DDB1: variants seen among roughly 807,000 people sequenced by gnomAD.
DDB1 encodes DNA damage-binding protein 1.
Under a neutral mutation model 133.1 loss-of-function variants are expected in DDB1, and 18 were observed. The observed-to-expected ratio is 0.14, with a 90% CI of 0.09 to 0.20. The LOEUF (loss-of-function observed/expected upper bound fraction) is 0.20, where lower values mean the gene tolerates loss of function less well. DDB1 is among the 10% of genes least tolerant of loss of function. The pLI, the probability that DDB1 is intolerant of heterozygous loss-of-function variation, is 1.00. For synonymous variants in DDB1, 580 were observed against 550.5 expected (o/e 1.05, Z -0.75); for missense variants, 828 against 1,459.2 (o/e 0.57, Z 7.05).
In DDB1 at chr11:61,316,964, T is replaced by G. The variant is rs371645674; in HGVS notation, c.1226-397A>C. ...AAGGATAGATATATATATATATATATATATATATATATATATATATATATA... is the reference window on the plus strand; with the variant it reads ...AAGGATAGATATATATATATATATAGATATATATATATATATATATATATA... On this transcript the variant is annotated intron_variant, in intron 10 of 26. Coordinates refer to ENST00000301764, the MANE Select transcript of DDB1 (RefSeq NM_001923.5). 6.2e-4 allele frequency among the ~76,000 whole-genome samples: 16 copies of G among 25,974 alleles called. 1 individual carries two copies. Among genetic ancestry groups the G allele is most frequent in the Admixed American group, 1.6e-3 (4 of 2,466 alleles). 17.0% of individuals were successfully genotyped at this position (25,974 alleles called of 152,430 possible). A position where few individuals can be genotyped will look rare whatever the true frequency, so the allele number is the denominator to read the frequency against.
intron 21 of DDB1, among the ~76,000 whole-genome samples, chr11:61,305,686 T>TGCCAACAC (rs1477443447): frequency 6.6e-6 from 1 of 151,606 alleles, no homozygotes; most frequent in African/African-American, 2.4e-5. Flanking sequence ...GCCACCACTC[T>TGCCAACAC]CTCTCCACAC....
At chr11:61,306,540 T>G (rs1855885542) in intron 21 of DDB1, among the ~76,000 whole-genome samples, 1 of 152,206 alleles carries the variant, frequency 6.6e-6, no homozygotes, top group Non-Finnish European at 1.5e-5. Context: ...GAGAAGGTCC[T>G]TCTAATACCC....
At position 61,299,900 on chromosome 11, in the gene DDB1, T is replaced by C; in HGVS notation, c.*236A>G. 3.5e-6 allele frequency: 2 copies of C among 565,020 alleles called. No homozygotes were observed. Among genetic ancestry groups the C allele is most frequent in the Non-Finnish European group, 6.4e-6 (2 of 313,720 alleles). 35.0% of individuals were successfully genotyped at this position (565,020 alleles called of 1,614,324 possible). A position where few individuals can be genotyped will look rare whatever the true frequency, so the allele number is the denominator to read the frequency against. On this transcript the variant is annotated 3_prime_UTR_variant, in exon 27 of 27. Coordinates refer to ENST00000301764, the MANE Select transcript of DDB1 (RefSeq NM_001923.5). ...CCAATCAAGGCTTGGTGGTCTAAGGTGATGGCTGGAATCATGTGAGACTGG... is the reference window on the plus strand; with the variant it reads ...CCAATCAAGGCTTGGTGGTCTAAGGCGATGGCTGGAATCATGTGAGACTGG...
At chr11:61,304,129 T>G in intron 21 of DDB1, 94 bp from the exon 22 acceptor site, 1 of 1,415,824 alleles carries the variant, frequency 7.1e-7, no homozygotes, top group Non-Finnish European at 9.8e-7. Flanking sequence ...CAGCACTACT[T>G]CTCAAAGTGC....
chr11:61,305,484 C>T (rs112371318), intron 21 of DDB1, among the ~76,000 whole-genome samples: 8,553 of 152,166 alleles, frequency 0.056, 754 homozygotes, highest in African/African-American at 0.18. Context: ...TCCAGCGTGG[C>T]GACAGAGTGA....
intron 4 of DDB1, among the ~76,000 whole-genome samples, chr11:61,327,288 G>A (rs1272999419): frequency 3.9e-5 from 6 of 152,052 alleles, no homozygotes; most frequent in Non-Finnish European, 7.4e-5. Flanking sequence ...TAGCCAACAC[G>A]GCAAAACCCC....
chr11:61,320,467 C>T (rs998848349), intron 10 of DDB1, among the ~76,000 whole-genome samples: 2 of 152,188 alleles, frequency 1.3e-5, no homozygotes, highest in African/African-American at 4.8e-5. Context: ...TCCCAAAGTG[C>T]TGGGATTACA....
chr11:61,322,923 G>C (rs1472583191), intron 8 of DDB1, 88 bp downstream of exon 8: 5 of 1,050,116 alleles, frequency 4.8e-6, no homozygotes, highest in African/African-American at 1.6e-5. Context: ...AAAATGGAGA[G>C]ATTCTGAGAG....
intron 2 of DDB1, 99 bp downstream of exon 2, chr11:61,331,444 C>T: frequency 3.4e-6 from 5 of 1,465,232 alleles, no homozygotes; most frequent in Non-Finnish European, 2.8e-6. Flanking sequence ...ACTGTGAGAC[C>T]CCCGTCTCAA....
At chr11:61,327,374 C>T in intron 4 of DDB1, 2 of 157,452 alleles carry the variant, frequency 1.3e-5, no homozygotes, top group Non-Finnish European at 2.8e-5. Context: ...GAGGCTGAGG[C>T]AGGAGAATCA....
chr11:61,330,995 T>C lies in DDB1; in HGVS notation c.210+548A>G, dbSNP rs28720254. ...ATAACTGTAAATGCTTGCTATATGA[T>C]AGGCCCTATGTTACTGAATCATTTC... On this transcript the variant is annotated intron_variant, in intron 2 of 26. Coordinates refer to ENST00000301764, the MANE Select transcript of DDB1 (RefSeq NM_001923.5). 3.3e-3 allele frequency among the ~76,000 whole-genome samples: 501 copies of C among 152,282 alleles called. 5 individuals carry two copies. Among genetic ancestry groups the C allele is most frequent in the African/African-American group, 0.012 (486 of 41,552 alleles).
intron 25 of DDB1, 94 bp from the exon 26 acceptor site, chr11:61,301,026 C>A (rs1047049729): frequency 7.8e-6 from 12 of 1,537,926 alleles, no homozygotes; most frequent in Non-Finnish European, 9.7e-6. Context: ...AAGCAATCAT[C>A]AGGATTAGAA....
In DDB1 at chr11:61,314,471, C is replaced by T; in HGVS notation, c.1426G>A (p.Val476Met). The change falls in exon 13 of 27, where the codon GTG becomes ATG. Residue 476 changes from valine to methionine, a missense_variant. Physicochemically the swap from Val to Met is conservative, Grantham distance 21. Around this residue, in one of 7 missense-constraint regions of DDB1, gnomAD observed 396 missense variants for 554.1 expected, o/e 0.71. Coordinates refer to ENST00000301764, the MANE Select transcript of DDB1 (RefSeq NM_001923.5). Reference protein sequence around the residue: ...QQLIQITSASVRLVSQEPKAL... With the variant: ...QQLIQITSASMRLVSQEPKAL... Reference sequence around the variant, plus strand: ...TTGGGTTCTTGAGAGACCAACCTCACCGATGCTGAAGTGATCTAGATAAAC... The same window carrying T: ...TTGGGTTCTTGAGAGACCAACCTCATCGATGCTGAAGTGATCTAGATAAAC... 6.2e-7 allele frequency: 1 copy of T among 1,612,646 alleles called. No individual in the cohort carries two copies. Among genetic ancestry groups the T allele is most frequent in the Non-Finnish European group, 8.5e-7 (1 of 1,179,448 alleles).
rs557888241 is a variant in DDB1, at chr11:61,329,741, C to A, written c.328-157G>T. Among the ~76,000 whole-genome samples the A allele has an allele frequency of 2.6e-5, 4 of 152,298 alleles. No homozygotes were observed. The East Asian group carries it at 7.7e-4, about 29-fold the overall frequency. On this transcript the variant is annotated intron_variant, in intron 3 of 26. Transcript: ENST00000301764. The stretch of plus-strand genomic sequence containing the variant: ...GTTGGAGCCCCAATGTCAGTGCATG[C>A]CTTTTTCATGAAACACTGAATCTCA...
At chr11:61,302,472 C>T in intron 24 of DDB1, 110 bp downstream of exon 24, 1 of 1,574,544 alleles carries the variant, frequency 6.4e-7, no homozygotes, top group East Asian at 2.2e-5. Flanking sequence ...GTGCTGCAGC[C>T]TCCTCTAGTA....
chr11:61,301,017 A>G, intron 25 of DDB1, 85 bp from the exon 26 acceptor site: 1 of 1,555,576 alleles, frequency 6.4e-7, no homozygotes, highest in African/African-American at 1.4e-5. Flanking sequence ...CACAATCTAA[A>G]GCAATCATCA....
chr11:61,301,875 C>T (rs1590677012), intron 25 of DDB1: 3 of 164,820 alleles, frequency 1.8e-5, no homozygotes, highest in South Asian at 1.7e-4. Context: ...CTTTCCCTTT[C>T]TTCTGGTAGT....
At chr11:61,313,806 T>C in intron 15 of DDB1, 56 bp downstream of exon 15, 1 of 1,598,262 alleles carries the variant, frequency 6.3e-7, no homozygotes, top group Non-Finnish European at 8.6e-7. Flanking sequence ...AAGAATTCTG[T>C]GTAATTCTAA....
chr11:61,321,313 CG>C (rs1433821081), intron 10 of DDB1: 1 of 251,268 alleles, frequency 4.0e-6, no homozygotes, highest in African/African-American at 2.2e-5. Context: ...TGAATTCTAT[CG>C]GTTGCCTCAT....
Sources: gnomAD v4.1 joint callset for allele counts (sites outside exome capture counted in the v4.1 genomes callset) on GRCh38, gnomAD v4.1.1 for gene constraint, gnomAD v4.1.1 regional missense constraint, MANE v1.5 for transcripts, NCBI Gene and HGNC (gene_info 2026-07-23, HGNC 2026-07-21) for gene names.